Variants in RUSC2 observed in about 807,000 individuals in gnomAD.
The protein encoded by RUSC2 is AP-4 complex accessory subunit RUSC2.
In RUSC2, 34 loss-of-function variants were observed where a neutral mutation model predicts 122.2. That is an observed-to-expected ratio of 0.28 (90% CI 0.21 to 0.37). The LOEUF is 0.37. Ranked by LOEUF, RUSC2 falls within the 10% of genes least tolerant of loss-of-function variation. The pLI, the probability that RUSC2 is intolerant of heterozygous loss-of-function variation, is 1.00. For missense variants in RUSC2, 1,747 were observed against 1,952.4 expected, an observed-to-expected ratio of 0.89 and a Z score of 1.98; for synonymous variants, 784 against 790.0, an observed-to-expected ratio of 0.99 and a Z score of 0.13.
chr9:35,512,156 G>A (rs1026979538), intron 1 of RUSC2, among the ~76,000 whole-genome samples: 15 of 151,876 alleles, frequency 9.9e-5, no homozygotes, highest in Admixed American at 9.2e-4. Context: ...ACTCCAGCCT[G>A]GGCGACAGAA....
chr9:35,496,491 C>T (rs1820716391), intron 1 of RUSC2, among the ~76,000 whole-genome samples: 1 of 152,178 alleles, frequency 6.6e-6, no homozygotes, highest in African/African-American at 2.4e-5. Context: ...ACTTGGCCAG[C>T]CCATCTGCCC....
In RUSC2 at chr9:35,549,127, T is replaced by G. The variant is rs965732704; in HGVS notation, c.2014+592T>G. 21 of 985,254 alleles carry G rather than the reference T, an allele frequency of 2.1e-5. 1 individual carries two copies. The Admixed American group carries it at 4.9e-4, about 23-fold the overall frequency. The allele number at this position is 985,254 out of a possible 1,614,324, so 61.0% of individuals were successfully genotyped here. ...AATGAAGGATTCAGAAGACTGATTC[T>G]GAACCTGGATGATGGGAAAGATGAG... On this transcript the variant is annotated intron_variant, in intron 2 of 11. Transcript: ENST00000361226.
chr9:35,513,366 C>G (rs997798634), intron 1 of RUSC2, among the ~76,000 whole-genome samples: 1 of 151,958 alleles, frequency 6.6e-6, no homozygotes, highest in African/African-American at 2.4e-5. Context: ...CCTCAGCCTC[C>G]CGAGCAGCTG....
In RUSC2 at chr9:35,508,824, A is replaced by T. The variant is rs909811856; in HGVS notation, c.-93+18652A>T. ...TTAACCTCTTTTCTTAATCTTTCAC[A>T]TCAGTGGGGACAAAAACAAAAGGAA... is the stretch of plus-strand genomic sequence containing the variant. On this transcript the variant is annotated intron_variant, in intron 1 of 11. Transcript: ENST00000361226. Among the ~76,000 whole-genome samples, 8 of 152,134 alleles carry T rather than the reference A, an allele frequency of 5.3e-5. No homozygotes were observed. The South Asian group carries it at 1.5e-3, about 28-fold the overall frequency.
In RUSC2 at chr9:35,517,076, A is replaced by G. The variant is rs112017483; in HGVS notation, c.-93+26904A>G. Among the ~76,000 whole-genome samples, 782 of 152,336 alleles carry G rather than the reference A, an allele frequency of 5.1e-3. 5 individuals are homozygous for G. Among genetic ancestry groups the G allele is most frequent in the African/African-American group, 0.018 (756 of 41,572 alleles). On this transcript the variant is annotated intron_variant, in intron 1 of 11. Coordinates refer to ENST00000361226, the MANE Select transcript of RUSC2 (RefSeq NM_014806.5). ...GAAAAAAATTTTAAAAAGATGTGGC[A>G]GTACTATATGGCCCACAAAGCTGAA...
chr9:35,521,434 A>G (rs755565227), intron 1 of RUSC2, among the ~76,000 whole-genome samples: 10 of 152,236 alleles, frequency 6.6e-5, no homozygotes. Flanking sequence ...GAATAAAGAA[A>G]AGCAACTCTT....
chr9:35,522,503 C>CT (rs1474533218), intron 1 of RUSC2, among the ~76,000 whole-genome samples: 15 of 152,182 alleles, frequency 9.9e-5, no homozygotes, highest in Non-Finnish European at 1.9e-4. Flanking sequence ...CTGAAACTTT[C>CT]TTTTTGCTGT....
intron 1 of RUSC2, among the ~76,000 whole-genome samples, chr9:35,490,683 A>G (rs1198357291): frequency 3.3e-5 from 5 of 151,558 alleles, no homozygotes; most frequent in Non-Finnish European, 7.4e-5. Flanking sequence ...GCCTCCCTTT[A>G]TTATCCGCCC....
chr9:35,556,528 A>G (rs2131698162), intron 5 of RUSC2, 80 bp downstream of exon 5: 4 of 472,388 alleles, frequency 8.5e-6, no homozygotes, highest in South Asian at 7.7e-5. Context: ...AGCCAGTCTG[A>G]AACCTCTAAG....
chr9:35,509,749 A>T (rs1820980038), intron 1 of RUSC2, among the ~76,000 whole-genome samples: 1 of 152,210 alleles, frequency 6.6e-6, no homozygotes. Flanking sequence ...GAGATTCCTG[A>T]TTCACATTTA....
Position 35,560,229 on chromosome 9 carries a change from G to T in RUSC2, c.3589G>T (p.Asp1197Tyr). The T allele has an allele frequency of 1.2e-6, 2 of 1,603,498 alleles. No homozygotes were observed. The stretch of plus-strand genomic sequence containing the variant: ...CAAGGAACTGCTGCGGGTGTCCCAG[G>T]ACCTGCTGCTGTCTGCCCACTCCAC... The part of the protein sequence containing the change: ...QHKELLRVSQ[D>Y]LLLSAHSTLQ... The change falls in exon 10 of 12, where the codon GAC becomes TAC. Residue 1197 changes from aspartate to tyrosine, a missense_variant. Asp to Tyr is a radical substitution (Grantham distance 160, BLOSUM62 -3). Transcript: ENST00000361226.
intron 1 of RUSC2, among the ~76,000 whole-genome samples, chr9:35,515,441 G>C (rs191206463): frequency 6.6e-6 from 1 of 151,512 alleles, no homozygotes; most frequent in African/African-American, 2.4e-5. Flanking sequence ...TAACATCATC[G>C]ATTGCTGCTA....
intron 5 of RUSC2, among the ~76,000 whole-genome samples, chr9:35,556,698 G>A (rs1004240777): frequency 1.4e-4 from 21 of 152,166 alleles, no homozygotes; most frequent in African/African-American, 4.8e-4. Context: ...GTTGTGGTGG[G>A]CGCGTGTAAT....
In RUSC2 at chr9:35,551,854, G is replaced by A. The variant is rs531334657; in HGVS notation, c.2015-3206G>A. ...GCAGGAGGATCACTTGAAGCCAGGG[G>A]TTTGAGACCAGCCTGGGCAATATAG... On this transcript the variant is annotated intron_variant, in intron 2 of 11. Transcript: ENST00000361226. Among the ~76,000 whole-genome samples the A allele has an allele frequency of 9.0e-4, 137 of 152,140 alleles. 1 individual carries two copies. Among genetic ancestry groups the A allele is most frequent in the Non-Finnish European group, 1.3e-3 (86 of 68,000 alleles).
chr9:35,497,341 G>C (rs1308597545), intron 1 of RUSC2, among the ~76,000 whole-genome samples: 1 of 152,164 alleles, frequency 6.6e-6, no homozygotes, highest in Non-Finnish European at 1.5e-5. Context: ...GACCCCATTT[G>C]TTGAGCTGTT....
In RUSC2 at chr9:35,548,567, C is replaced by T. The variant is rs375449829; in HGVS notation, c.2014+32C>T. 2.6e-6 allele frequency: 4 copies of T among 1,562,586 alleles called. No individual in the cohort carries two copies. The highest frequency in any genetic ancestry group is 3.5e-6 in the Non-Finnish European group (4 of 1,157,750). ...AGCCTAAGGGTTAGCAAATATGTGG[C>T]TATTCACCAGCAGGATATGCATGGC... On this transcript the variant is annotated intron_variant, in intron 2 of 11. Coordinates refer to ENST00000361226, the MANE Select transcript of RUSC2 (RefSeq NM_014806.5). This position sits in a 1 kb window ranked among gnomAD's most constrained non-coding sequence, Gnocchi z 4.5.
intron 9 of RUSC2, 139 bp downstream of exon 9, chr9:35,559,411 C>A: frequency 1.3e-6 from 1 of 743,198 alleles, no homozygotes; most frequent in Non-Finnish European, 2.3e-6. Context: ...CTCAGGCTTC[C>A]ACCCAAGGCC....
intron 2 of RUSC2, among the ~76,000 whole-genome samples, chr9:35,554,359 C>A (rs758337785): frequency 2.0e-5 from 3 of 152,046 alleles, no homozygotes; most frequent in Non-Finnish European, 4.4e-5. Context: ...ATGCCAGGAT[C>A]GTGAAAAGAG....
chr9:35,493,910 A>G (rs763051806), intron 1 of RUSC2, among the ~76,000 whole-genome samples: 25 of 152,116 alleles, frequency 1.6e-4, no homozygotes, highest in Non-Finnish European at 3.2e-4. Context: ...TCTTTTGGCT[A>G]TTATGAAAAA....
Sources: gnomAD v4.1 joint callset for allele counts (sites outside exome capture counted in the v4.1 genomes callset) on GRCh38, gnomAD v4.1.1 for gene constraint, Gnocchi (gnomAD v3.1) non-coding constraint, MANE v1.5 for transcripts, NCBI Gene and HGNC (gene_info 2026-07-23, HGNC 2026-07-21) for gene names.